The following COBLL1 variants were observed in gnomAD, a reference collection of about 807,000 sequenced individuals.
COBLL1 encodes the protein cordon-bleu WH2 repeat protein like 1.
In COBLL1, 50 loss-of-function variants were observed where a neutral mutation model predicts 94.8. The ratio of observed to expected loss-of-function variants is 0.53; its 90% confidence interval spans 0.42 to 0.67. The LOEUF (loss-of-function observed/expected upper bound fraction) is 0.67, where lower values mean the gene tolerates loss of function less well. Among genes scored for constraint, COBLL1 ranks in the 30% least tolerant of loss-of-function variants. COBLL1 has a pLI of 0.00. For missense variants in COBLL1, 1,362 were observed against 1,348.7 expected (o/e 1.01, Z -0.15); for synonymous variants, 448 against 473.8 (o/e 0.95, Z 0.71).
chr2:164,702,575 A>T (rs13414709), intron 9 of COBLL1, among the ~76,000 whole-genome samples: 9,707 of 134,156 alleles, frequency 0.072, 516 homozygotes, highest in African/African-American at 0.13. Flanking sequence ...AAAAAAAAAA[A>T]AATAATAATA....
intron 2 of COBLL1, among the ~76,000 whole-genome samples, chr2:164,820,559 C>A (rs1446206239): frequency 6.6e-6 from 1 of 152,152 alleles, no homozygotes; most frequent in Middle Eastern, 3.2e-3. Flanking sequence ...TGTCAGGAAA[C>A]AATAACACTT....
At chr2:164,743,617 G>A (rs754831585) in intron 3 of COBLL1, 70 bp downstream of exon 3, 13 of 1,189,962 alleles carry the variant, frequency 1.1e-5, no homozygotes, top group Middle Eastern at 1.9e-4. Context: ...ACATCAAGAC[G>A]TATATCACAG....
At chr2:164,759,229 G>C (rs1205130631) in intron 2 of COBLL1, among the ~76,000 whole-genome samples, 1 of 151,802 alleles carries the variant, frequency 6.6e-6, no homozygotes, top group Non-Finnish European at 1.5e-5. Flanking sequence ...TTCATGTTGG[G>C]GTAAACCTAT....
At chr2:164,819,613 A>G (rs1340188411) in intron 2 of COBLL1, among the ~76,000 whole-genome samples, 2 of 152,170 alleles carry the variant, frequency 1.3e-5, no homozygotes, top group African/African-American at 4.8e-5. Flanking sequence ...TCAAACATAA[A>G]GTGAATTTCA....
At chr2:164,725,126 ATATATAT>A (rs1685658436) in intron 5 of COBLL1, 2 of 87,196 alleles carry the variant, frequency 2.3e-5, no homozygotes, top group Non-Finnish European at 4.3e-5. Flanking sequence ...ATATATATAT[ATATATAT>A]AAAATGAAAG....
rs534895774 is a variant in COBLL1 at position 164,774,412 on chromosome 2, T to C, written c.42-30537A>G. On this transcript the variant is annotated intron_variant, in intron 2 of 13. Coordinates refer to ENST00000652658, the MANE Select transcript of COBLL1 (RefSeq NM_001365672.2). Reference sequence around the variant, plus strand: ...AGGCCCTGATGTGAAAGGAGAAGAATTTAAACAGCTAGATTTTATAGTCAG... The same window carrying C: ...AGGCCCTGATGTGAAAGGAGAAGAACTTAAACAGCTAGATTTTATAGTCAG... Among the ~76,000 whole-genome samples, 22 of 152,294 alleles carry C rather than the reference T, an allele frequency of 1.4e-4. No homozygotes were observed. In the South Asian group the frequency reaches 4.6e-3, roughly 32 times the overall value.
At chr2:164,755,921 T>C (rs780027978) in intron 2 of COBLL1, among the ~76,000 whole-genome samples, 1 of 152,204 alleles carries the variant, frequency 6.6e-6, no homozygotes, top group Admixed American at 6.5e-5. Flanking sequence ...GCCTCATGCT[T>C]AGTTATCATT....
At chr2:164,741,757 G>A (rs566349082) in intron 3 of COBLL1, among the ~76,000 whole-genome samples, 59 of 152,224 alleles carry the variant, frequency 3.9e-4, no homozygotes, top group African/African-American at 1.4e-3. Context: ...GAAAAATCTA[G>A]GGTGCTTGTA....
At chr2:164,804,902 T>C (rs1008581560) in intron 2 of COBLL1, among the ~76,000 whole-genome samples, 3 of 152,188 alleles carry the variant, frequency 2.0e-5, no homozygotes, top group Admixed American at 1.3e-4. Context: ...AGTAACATTC[T>C]AGTGCCTACC....
intron 2 of COBLL1, among the ~76,000 whole-genome samples, chr2:164,756,119 G>C (rs1687395479): frequency 6.6e-6 from 1 of 152,056 alleles, no homozygotes; most frequent in African/African-American, 2.4e-5. Flanking sequence ...AAGAGTGAGG[G>C]AATGTGCTAG....
intron 5 of COBLL1, chr2:164,724,143 G>A (rs1173779582): frequency 6.6e-6 from 1 of 152,106 alleles, no homozygotes; most frequent in Non-Finnish European, 1.5e-5. Context: ...TCATATAGCT[G>A]ACACGGAGAA....
chr2:164,677,288 G>C (rs978892061), downstream of COBLL1, among the ~76,000 whole-genome samples: 3 of 151,876 alleles, frequency 2.0e-5, no homozygotes, highest in Middle Eastern at 6.8e-3. Flanking sequence ...CATCCAAAGC[G>C]TACTGCAAAC....
At chr2:164,757,454 A>G (rs778732376) in intron 2 of COBLL1, among the ~76,000 whole-genome samples, 4 of 152,144 alleles carry the variant, frequency 2.6e-5, no homozygotes, top group Non-Finnish European at 5.9e-5. Context: ...AAAGAGGAAA[A>G]TTCCTCATGA....
At chr2:164,702,226 C>T (rs941819707) in intron 9 of COBLL1, among the ~76,000 whole-genome samples, 14 of 152,014 alleles carry the variant, frequency 9.2e-5, no homozygotes, top group Non-Finnish European at 2.1e-4. Flanking sequence ...AATGTGTCTA[C>T]GATAGCATAT....
intron 2 of COBLL1, among the ~76,000 whole-genome samples, chr2:164,830,337 T>C (rs571432313): frequency 6.6e-6 from 1 of 152,300 alleles, no homozygotes; most frequent in South Asian, 2.1e-4. Flanking sequence ...AAATCCCCCA[T>C]TGCTATCAAC....
At chr2:164,765,798 T>G (rs77965336) in intron 2 of COBLL1, among the ~76,000 whole-genome samples, 1 of 152,222 alleles carries the variant, frequency 6.6e-6, no homozygotes, top group East Asian at 1.9e-4. Context: ...TTTAGGAATA[T>G]TGACCTCCTA....
intron 7 of COBLL1, among the ~76,000 whole-genome samples, chr2:164,719,041 CA>C (rs1685317360): frequency 6.6e-6 from 1 of 151,890 alleles, no homozygotes; most frequent in Admixed American, 6.6e-5. Context: ...TTAAGAAATA[CA>C]AATGCAGCAG....
Position 164,841,080 on chromosome 2 carries a change from T to C in COBLL1, c.41+76A>G, listed in dbSNP as rs1464997627. 1.6e-6 allele frequency: 2 copies of C among 1,219,398 alleles called. No individual in the cohort carries two copies. The highest frequency in any genetic ancestry group is 4.1e-5 in the South Asian group (1 of 24,162). 75.5% of individuals were successfully genotyped at this position (1,219,398 alleles called of 1,614,324 possible). A position where few individuals can be genotyped will look rare whatever the true frequency, so the allele number is the denominator to read the frequency against. ...GCAGGGCAGCGAGTTGCCAGCCAGG[T>C]GAAACGGCCGAGGCCTCGCTGTCCT... On this transcript the variant is annotated intron_variant, in intron 2 of 13. Coordinates refer to ENST00000652658, the MANE Select transcript of COBLL1 (RefSeq NM_001365672.2). This position sits in a 1 kb window ranked among gnomAD's most constrained non-coding sequence, Gnocchi z 5.5.
chr2:164,737,565 T>A (rs1686371375), intron 3 of COBLL1, among the ~76,000 whole-genome samples: 1 of 152,120 alleles, frequency 6.6e-6, no homozygotes, highest in Admixed American at 6.5e-5. Context: ...TTAAACATGG[T>A]TTGTACCACC....
Sources: gnomAD v4.1 joint callset for allele counts (sites outside exome capture counted in the v4.1 genomes callset) on GRCh38, gnomAD v4.1.1 for gene constraint, Gnocchi (gnomAD v3.1) non-coding constraint, MANE v1.5 for transcripts, NCBI Gene and HGNC (gene_info 2026-07-23, HGNC 2026-07-21) for gene names.